DLG2: variants seen among roughly 807,000 people sequenced by gnomAD.
DLG2 encodes the protein discs large MAGUK scaffold protein 2, also known as disks large homolog 2.
Under a neutral mutation model 132.5 loss-of-function variants are expected in DLG2, and 45 were observed. The observed-to-expected ratio is 0.34, with a 90% confidence interval of 0.27 to 0.44. The LOEUF (loss-of-function observed/expected upper bound fraction) is 0.44, where lower values mean the gene tolerates loss of function less well. DLG2 is among the 20% of genes least tolerant of loss of function. The pLI, the probability that DLG2 is intolerant of heterozygous loss-of-function variation, is 1.00. For synonymous variants in DLG2, 424 were observed against 419.6 expected (o/e 1.01, Z -0.13); for missense variants, 1,045 against 1,196.9 (o/e 0.87, Z 1.87).
chr11:85,143,918 G>C (rs1363555991), intron 5 of DLG2, among the ~76,000 whole-genome samples: 1 of 151,812 alleles, frequency 6.6e-6, no homozygotes, highest in African/African-American at 2.4e-5. Context: ...TGGATAAAAT[G>C]TTCTATAATA....
intron 3 of DLG2, among the ~76,000 whole-genome samples, chr11:85,324,552 T>C (rs781363801): frequency 3.3e-5 from 5 of 152,174 alleles, no homozygotes; most frequent in Admixed American, 2.0e-4. Context: ...CCCCATTTCC[T>C]AAAGAAAAGT....
At chr11:83,760,420 G>A (rs909139067) in intron 18 of DLG2, among the ~76,000 whole-genome samples, 4 of 151,736 alleles carry the variant, frequency 2.6e-5, no homozygotes, top group Non-Finnish European at 5.9e-5. Flanking sequence ...TAGACTTCCA[G>A]TTCAATGCCT....
At chr11:85,052,660 A>G (rs2154154712) in intron 6 of DLG2, among the ~76,000 whole-genome samples, 1 of 152,326 alleles carries the variant, frequency 6.6e-6, no homozygotes, top group African/African-American at 2.4e-5. Flanking sequence ...CTGGTATGCA[A>G]ATTGGTTGCC....
At chr11:84,426,218 G>T (rs1480805444) in intron 7 of DLG2, among the ~76,000 whole-genome samples, 1 of 152,086 alleles carries the variant, frequency 6.6e-6, no homozygotes, top group Non-Finnish European at 1.5e-5. Context: ...GGCGCATGAA[G>T]CCAATGAGGC....
intron 6 of DLG2, among the ~76,000 whole-genome samples, chr11:84,886,748 G>T (rs1041745523): frequency 6.6e-6 from 1 of 152,128 alleles, no homozygotes; most frequent in Non-Finnish European, 1.5e-5. Flanking sequence ...AGGACATGAA[G>T]AATGTTTGAC....
chr11:85,024,717 A>T (rs1239451289), intron 6 of DLG2, among the ~76,000 whole-genome samples: 1 of 152,202 alleles, frequency 6.6e-6, no homozygotes, highest in African/African-American at 2.4e-5. Flanking sequence ...ATACTGGCTT[A>T]AGTTTCATGA....
intron 3 of DLG2, among the ~76,000 whole-genome samples, chr11:85,383,755 T>C (rs929555180): frequency 3.3e-5 from 5 of 152,306 alleles, no homozygotes; most frequent in African/African-American, 9.6e-5. Flanking sequence ...TTCTGCCTAA[T>C]AAAGTTATAT....
chr11:83,723,069 T>C (rs1385321694), intron 18 of DLG2, among the ~76,000 whole-genome samples: 1 of 152,100 alleles, frequency 6.6e-6, no homozygotes, highest in African/African-American at 2.4e-5. Context: ...ATTCATCTTG[T>C]CCAACTTCTC....
At chr11:85,126,292 G>T (rs1464534951) in intron 5 of DLG2, among the ~76,000 whole-genome samples, 1 of 152,126 alleles carries the variant, frequency 6.6e-6, no homozygotes, top group African/African-American at 2.4e-5. Flanking sequence ...TAGGTTCTAA[G>T]TCAAAAGAGA....
intron 4 of DLG2, among the ~76,000 whole-genome samples, chr11:85,234,708 T>G (rs1268943381): frequency 2.0e-5 from 3 of 152,004 alleles, no homozygotes; most frequent in Non-Finnish European, 4.4e-5. Context: ...ACACCTTGGG[T>G]TAAGACATTT....
intron 3 of DLG2, among the ~76,000 whole-genome samples, chr11:85,504,547 A>G (rs1221772832): frequency 1.3e-5 from 2 of 151,422 alleles, no homozygotes; most frequent in Non-Finnish European, 2.9e-5. Flanking sequence ...ATTTCTGAGG[A>G]CTCTGTTCTG....
intron 6 of DLG2, among the ~76,000 whole-genome samples, chr11:84,875,578 T>A (rs940887014): frequency 6.6e-6 from 1 of 152,130 alleles, no homozygotes; most frequent in Non-Finnish European, 1.5e-5. Flanking sequence ...CAAACAATCC[T>A]ATGTTACCTC....
chr11:85,094,365 T>C (rs2069372700), intron 6 of DLG2, among the ~76,000 whole-genome samples: 1 of 152,224 alleles, frequency 6.6e-6, no homozygotes, highest in East Asian at 1.9e-4. Flanking sequence ...GCCTGTCCTT[T>C]GAAGTGACTT....
rs181662517 is a variant in DLG2, at chr11:84,379,390, A to G, written c.520-128099T>C. ...TTCCAGAAATTAAAAAAAAGTAGCT[A>G]TTGAAAATAGCCTTTAAGGAATTAA... On this transcript the variant is annotated intron_variant, in intron 7 of 27. Coordinates refer to ENST00000376104, the MANE Select transcript of DLG2 (RefSeq NM_001142699.3). Among the ~76,000 whole-genome samples, 3 of 152,278 alleles carry G rather than the reference A, an allele frequency of 2.0e-5. No homozygotes were observed. In the East Asian group the frequency reaches 5.8e-4, roughly 29 times the overall value.
intron 19 of DLG2, among the ~76,000 whole-genome samples, chr11:83,584,219 C>A (rs975827333): frequency 1.3e-5 from 2 of 152,190 alleles, no homozygotes; most frequent in Non-Finnish European, 2.9e-5. Context: ...GTGGAAGACA[C>A]TATCTTACTC....
chr11:84,676,141 T>G (rs2099710970), intron 6 of DLG2, among the ~76,000 whole-genome samples: 1 of 152,024 alleles, frequency 6.6e-6, no homozygotes, highest in Admixed American at 6.6e-5. Context: ...AGAATAAATA[T>G]GAGAGCTATT....
At chr11:84,055,229 ACCACCATATATTTTACC>A (rs1470970980) in intron 11 of DLG2, among the ~76,000 whole-genome samples, 2 of 151,944 alleles carry the variant, frequency 1.3e-5, no homozygotes, top group Non-Finnish European at 2.9e-5. Flanking sequence ...TCCTTGAAAC[ACCACCATATATTTTACC>A]AATAAATGGC....
rs149532846 is a variant in DLG2 at position 84,401,689 on chromosome 11, A to T, written c.519+132881T>A. On this transcript the variant is annotated intron_variant, in intron 7 of 27. Coordinates refer to ENST00000376104, the MANE Select transcript of DLG2 (RefSeq NM_001142699.3). ...TGGTGACCCTAAATAACTTTACTAC[A>T]CTCTAGCTACAGATACACTTTTGAA... 7.2e-5 allele frequency among the ~76,000 whole-genome samples: 11 copies of T among 152,126 alleles called. No homozygotes were observed. In the East Asian group the frequency reaches 2.1e-3, roughly 29 times the overall value.
At chr11:83,879,370 G>T (rs2065571939) in intron 15 of DLG2, among the ~76,000 whole-genome samples, 1 of 151,954 alleles carries the variant, frequency 6.6e-6, no homozygotes, top group Non-Finnish European at 1.5e-5. Context: ...TCTTCTTATG[G>T]ATATTCAATA....
Sources: gnomAD v4.1 joint callset for allele counts (sites outside exome capture counted in the v4.1 genomes callset) on GRCh38, gnomAD v4.1.1 for gene constraint, MANE v1.5 for transcripts, NCBI Gene and HGNC (gene_info 2026-07-23, HGNC 2026-07-21) for gene names.